The following CACNB4 variants were observed in gnomAD, a reference collection of about 807,000 sequenced individuals.
CACNB4 encodes the protein voltage-dependent L-type calcium channel subunit beta-4.
A neutral mutation model predicts 71.2 loss-of-function variants in CACNB4; 32 were observed. That is an observed-to-expected ratio of 0.45 (90% CI 0.34 to 0.60). The LOEUF (loss-of-function observed/expected upper bound fraction) is 0.60. Among genes scored for constraint, CACNB4 ranks in the 20% least tolerant of loss-of-function variants. The pLI is 0.01. For synonymous variants in CACNB4, 231 were observed against 236.9 expected (o/e 0.97, Z 0.23); for missense variants, 464 against 647.9 (o/e 0.72, Z 3.08).
At chr2:152,044,773 C>T (rs1459196379) in intron 2 of CACNB4, among the ~76,000 whole-genome samples, 3 of 152,206 alleles carry the variant, frequency 2.0e-5, no homozygotes, top group Non-Finnish European at 4.4e-5. Flanking sequence ...AGCCTGGCCA[C>T]CATGGCAGGT....
intron 2 of CACNB4, among the ~76,000 whole-genome samples, chr2:152,001,022 C>T (rs567526060): frequency 6.6e-6 from 1 of 152,344 alleles, no homozygotes; most frequent in Non-Finnish European, 1.5e-5. Flanking sequence ...AGACACCATG[C>T]TAAGCAGTTT....
intron 2 of CACNB4, among the ~76,000 whole-genome samples, chr2:151,888,804 T>C (rs2099850009): frequency 6.6e-6 from 1 of 152,176 alleles, no homozygotes. Flanking sequence ...TTCTTTGGGA[T>C]AGATTTGGGA....
At chr2:151,876,958 G>T (rs903402972) in intron 4 of CACNB4, among the ~76,000 whole-genome samples, 39 of 144,136 alleles carry the variant, frequency 2.7e-4, no homozygotes, top group African/African-American at 9.4e-4. Flanking sequence ...AAACTATATT[G>T]TGTATGTATA....
intron 2 of CACNB4, chr2:151,973,576 G>A (rs376078341): frequency 2.1e-5 from 24 of 1,161,558 alleles, no homozygotes; most frequent in South Asian, 1.7e-4. Context: ...TGTTCCCTGC[G>A]TTGCCTAAGA....
chr2:151,980,619 T>C (rs1256039229), intron 2 of CACNB4, among the ~76,000 whole-genome samples: 1 of 152,236 alleles, frequency 6.6e-6, no homozygotes, highest in Admixed American at 6.5e-5. Context: ...CCTGAGCTCC[T>C]TGGCTACCTT....
chr2:151,947,297 T>C (rs2099865829), intron 2 of CACNB4, among the ~76,000 whole-genome samples: 1 of 152,204 alleles, frequency 6.6e-6, no homozygotes, highest in Admixed American at 6.5e-5. Context: ...TCTGCTGTTC[T>C]GTAAACCTGC....
chr2:152,084,961 T>A (rs989070921), intron 2 of CACNB4, among the ~76,000 whole-genome samples: 4 of 151,912 alleles, frequency 2.6e-5, no homozygotes, highest in African/African-American at 9.7e-5. Context: ...ATAGGGACAT[T>A]TAGATTATAC....
chr2:152,093,170 C>T (rs908066025), intron 2 of CACNB4, among the ~76,000 whole-genome samples: 1 of 152,132 alleles, frequency 6.6e-6, no homozygotes, highest in Admixed American at 6.5e-5. Context: ...GTGATGTTTG[C>T]TGTGGATTTT....
At chr2:152,018,402 A>C (rs112118459) in intron 2 of CACNB4, among the ~76,000 whole-genome samples, 24 of 152,288 alleles carry the variant, frequency 1.6e-4, no homozygotes, top group African/African-American at 5.3e-4. Flanking sequence ...ACTATTTCTC[A>C]TAACGTGGTA....
chr2:151,896,422 G>C (rs1182600962), intron 2 of CACNB4, among the ~76,000 whole-genome samples: 1 of 152,210 alleles, frequency 6.6e-6, no homozygotes, highest in Admixed American at 6.5e-5. Context: ...CTAGGTAAGA[G>C]CTATGCCTAC....
At chr2:151,992,005 C>T (rs557041618) in intron 2 of CACNB4, among the ~76,000 whole-genome samples, 96 of 152,276 alleles carry the variant, frequency 6.3e-4, no homozygotes, top group African/African-American at 2.2e-3. Context: ...AACTTCTAAG[C>T]GAGAGTAAAA....
chr2:151,864,491 C>T (rs2099842571), intron 9 of CACNB4, among the ~76,000 whole-genome samples: 1 of 152,308 alleles, frequency 6.6e-6, no homozygotes, highest in Admixed American at 6.5e-5. Context: ...GCTGTAAGAT[C>T]TGTCTATATT....
rs868717659 is a variant in CACNB4 at position 152,098,152 on chromosome 2, C to T, written c.147+178G>A. 2.0e-5 allele frequency among the ~76,000 whole-genome samples: 3 copies of T among 152,228 alleles called. No homozygotes were observed. Among genetic ancestry groups the T allele is most frequent in the Non-Finnish European group, 2.9e-5 (2 of 68,038 alleles). The stretch of plus-strand genomic sequence containing the variant: ...GTGCGGAGACGCCGGGACGCGAAGA[C>T]GTCAAGAGCCCAGGCTAGAGGGAGA... On this transcript the variant is annotated intron_variant, in intron 2 of 13. Transcript: ENST00000539935. The surrounding 1 kb of genome is among the most constrained non-coding windows in gnomAD (Gnocchi z 5.3).
rs11291336 is a variant in CACNB4, at chr2:151,838,494, AT to A, written c.*624del. 0.11 allele frequency: 15,831 copies of A among 150,596 alleles called. 956 individuals are homozygous for A. Among genetic ancestry groups the A allele is most frequent in the African/African-American group, 0.16 (6,504 of 41,028 alleles). 9.3% of individuals were successfully genotyped at this position (150,596 alleles called of 1,614,324 possible). On this transcript the variant is annotated 3_prime_UTR_variant, in exon 14 of 14. Coordinates refer to ENST00000539935, the MANE Select transcript of CACNB4 (RefSeq NM_000726.5). ...TAATTTCTGCATTAAGATTTCTGAG[AT>A]TTTTTTTTTGGCACTATCAATACAT...
In CACNB4 at chr2:151,921,173, A is replaced by G. The variant is rs2345158; in HGVS notation, c.148-37803T>C. On this transcript the variant is annotated intron_variant, in intron 2 of 13. Coordinates refer to ENST00000539935, the MANE Select transcript of CACNB4 (RefSeq NM_000726.5). ...AATAAATAAATAAATAAATAAATAA[A>G]TAAATAAATAAGTTAAAAAAAAACA... 6.1e-3 allele frequency among the ~76,000 whole-genome samples: 370 copies of G among 61,004 alleles called. 2 individuals are homozygous for G. Among genetic ancestry groups the G allele is most frequent in the Non-Finnish European group, 0.013 (267 of 21,258 alleles). 40.0% of individuals were successfully genotyped at this position (61,004 alleles called of 152,430 possible).
intron 2 of CACNB4, among the ~76,000 whole-genome samples, chr2:152,065,763 T>C (rs1686282783): frequency 6.6e-6 from 1 of 152,170 alleles, no homozygotes; most frequent in African/African-American, 2.4e-5. Context: ...GGGGTAATTT[T>C]TTTAAGATGG....
chr2:151,900,682 C>A (rs1240422182), intron 2 of CACNB4, among the ~76,000 whole-genome samples: 1 of 152,006 alleles, frequency 6.6e-6, no homozygotes, highest in Non-Finnish European at 1.5e-5. Flanking sequence ...AGTTTCAGAT[C>A]GAAAAGGATG....
At chr2:151,953,319 G>A (rs1346731215) in intron 2 of CACNB4, among the ~76,000 whole-genome samples, 1 of 152,016 alleles carries the variant, frequency 6.6e-6, no homozygotes, top group East Asian at 1.9e-4. Context: ...ATCCTTACTC[G>A]TGTGCCCGTA....
intron 2 of CACNB4, among the ~76,000 whole-genome samples, chr2:151,925,145 G>C (rs1407598626): frequency 1.3e-5 from 2 of 152,098 alleles, no homozygotes; most frequent in African/African-American, 4.8e-5. Context: ...ATTAAACAGT[G>C]GTTAGTGAAC....
Sources: allele counts gnomAD v4.1 joint callset (sites outside exome capture counted in the v4.1 genomes callset), GRCh38; gene constraint gnomAD v4.1.1; non-coding constraint Gnocchi (gnomAD v3.1); transcripts MANE v1.5; gene names NCBI Gene and HGNC (gene_info 2026-07-23, HGNC 2026-07-21).